CACNA1C: variants seen among roughly 807,000 people sequenced by gnomAD.
CACNA1C encodes the protein calcium voltage-gated channel subunit alpha1 C, also known as voltage-dependent L-type calcium channel subunit alpha-1C.
In CACNA1C, 30 loss-of-function variants were observed where a neutral mutation model predicts 229.0. That is an observed-to-expected ratio of 0.13 (90% CI 0.10 to 0.18). The LOEUF (loss-of-function observed/expected upper bound fraction) is 0.18, where lower values mean the gene tolerates loss of function less well. Among genes scored for constraint, CACNA1C ranks in the 10% least tolerant of loss-of-function variants. CACNA1C has a pLI of 1.00. For synonymous variants in CACNA1C, 1,114 were observed against 1,132.5 expected (o/e 0.98, Z 0.33); for missense variants, 1,658 against 2,845.0 (o/e 0.58, Z 9.49).
chr12:2,457,039 A>C (rs892028595), intron 4 of CACNA1C, among the ~76,000 whole-genome samples: 1 of 151,962 alleles, frequency 6.6e-6, no homozygotes, highest in African/African-American at 2.4e-5. Flanking sequence ...TTGTTTAACC[A>C]CTCAACCATT....
intron 3 of CACNA1C, among the ~76,000 whole-genome samples, chr12:2,205,588 T>C (rs1247987854): frequency 6.6e-6 from 1 of 152,142 alleles, no homozygotes; most frequent in Non-Finnish European, 1.5e-5. Context: ...TGAGTTGGGG[T>C]CCTGTGCATT....
chr12:2,501,044 T>A (rs1407871944), intron 7 of CACNA1C, among the ~76,000 whole-genome samples: 33 of 139,798 alleles, frequency 2.4e-4, no homozygotes, highest in African/African-American at 7.4e-4. Flanking sequence ...GTCTCTACTT[T>A]AAAAAAAAAA....
chr12:2,225,102 A>T (rs2062588019), intron 3 of CACNA1C, among the ~76,000 whole-genome samples: 1 of 152,082 alleles, frequency 6.6e-6, no homozygotes, highest in African/African-American at 2.4e-5. Flanking sequence ...AAGTCACTTC[A>T]CCTCTCTGCT....
chr12:2,067,450 G>GCA lies in CACNA1C; in HGVS notation c.49+13839_49+13840insCA, dbSNP rs2154521525. On this transcript the variant is annotated intron_variant, in intron 1 of 46. Coordinates refer to ENST00000399655, the MANE Select transcript of CACNA1C (RefSeq NM_000719.7). This position sits in a 1 kb window ranked among gnomAD's most constrained non-coding sequence, Gnocchi z 5.3. The stretch of plus-strand genomic sequence containing the variant: ...CTTAGGACTGTGGACTAGGATGCAC[G>GCA]TGTGTGTGTGTGTGTGTGTGTGTGT... Among the ~76,000 whole-genome samples, 1 of 30,442 alleles carries GCA rather than the reference G, an allele frequency of 3.3e-5. No individual in the cohort carries two copies. The highest frequency in any genetic ancestry group is 9.4e-4 in the East Asian group (1 of 1,060). 20.0% of individuals were successfully genotyped at this position (30,442 alleles called of 152,430 possible).
intron 3 of CACNA1C, among the ~76,000 whole-genome samples, chr12:2,284,454 G>T (rs1306556124): frequency 6.6e-6 from 1 of 152,176 alleles, no homozygotes; most frequent in East Asian, 1.9e-4. Context: ...AGGGGCTGGG[G>T]GAGGAGGGTG....
At chr12:2,329,080 A>T (rs1238966875) in intron 3 of CACNA1C, among the ~76,000 whole-genome samples, 1 of 152,158 alleles carries the variant, frequency 6.6e-6, no homozygotes, top group East Asian at 1.9e-4. Flanking sequence ...GTGATAGATA[A>T]CTAAAGATAG....
At chr12:2,259,081 A>G (rs1271202421) in intron 3 of CACNA1C, among the ~76,000 whole-genome samples, 1 of 152,238 alleles carries the variant, frequency 6.6e-6, no homozygotes, top group Non-Finnish European at 1.5e-5. Context: ...ACGGAACTCA[A>G]TATTTCCTTC....
intron 1 of CACNA1C, among the ~76,000 whole-genome samples, chr12:2,056,790 G>T (rs2299657): frequency 0.27 from 41,478 of 151,916 alleles, 5,862 homozygotes; most frequent in African/African-American, 0.33. Context: ...TATTGGTCAG[G>T]CACTTTTTAG....
At position 2,201,395 on chromosome 12, in the gene CACNA1C, C is replaced by G. The variant is rs140503142; in HGVS notation, c.477+80965C>G. ...TAATTCAATACCATTGTGCTACAAA[C>G]CCACTAACACTTTTTTCTTCACTGC... On this transcript the variant is annotated intron_variant, in intron 3 of 46. Transcript: ENST00000399655. 3.8e-3 allele frequency among the ~76,000 whole-genome samples: 578 copies of G among 152,260 alleles called. 3 individuals carry two copies. Among genetic ancestry groups the G allele is most frequent in the Non-Finnish European group, 6.0e-3 (410 of 68,012 alleles).
intron 1 of CACNA1C, chr12:1,998,099 G>A (rs1239683007): frequency 2.8e-6 from 2 of 725,426 alleles, no homozygotes; most frequent in Non-Finnish European, 4.3e-6. Flanking sequence ...CCCAACATGA[G>A]GAGTTATTCT....
rs938772210 is a variant in CACNA1C at position 2,257,677 on chromosome 12, C to T, written c.477+137247C>T. ...GACCCCCGCTCTAGCGTGTTCCCTT[C>T]CTCTCCAAGTCTTTAAGCATTTTCA... On this transcript the variant is annotated intron_variant, in intron 3 of 46. Transcript: ENST00000399655. Among the ~76,000 whole-genome samples, 4 of 152,232 alleles carry T rather than the reference C, an allele frequency of 2.6e-5. No individual in the cohort carries two copies. In the East Asian group the frequency reaches 5.8e-4, roughly 22 times the overall value.
chr12:2,636,698 A>G (rs1343296455), intron 30 of CACNA1C, among the ~76,000 whole-genome samples: 1 of 152,192 alleles, frequency 6.6e-6, no homozygotes, highest in Non-Finnish European at 1.5e-5. Context: ...TGTACTCCAC[A>G]GTGCCTTTTG....
intron 10 of CACNA1C, among the ~76,000 whole-genome samples, chr12:2,556,410 C>T (rs1363808606): frequency 2.6e-5 from 4 of 152,170 alleles, no homozygotes; most frequent in East Asian, 1.9e-4. Context: ...GGTTTCTCCT[C>T]GGAGTCTGGG....
Position 2,181,430 on chromosome 12 carries a change from G to A in CACNA1C, c.477+61000G>A, listed in dbSNP as rs1203813164. On this transcript the variant is annotated intron_variant, in intron 3 of 46. Transcript: ENST00000399655. This position sits in a 1 kb window ranked among gnomAD's most constrained non-coding sequence, Gnocchi z 4.0. ...AAGATCAACATGATCACAGCAGACT[G>A]ACACGGCGAGCTGAAACAAACAGGA... Among the ~76,000 whole-genome samples, 2 of 152,138 alleles carry A rather than the reference G, an allele frequency of 1.3e-5. No individual in the cohort carries two copies. The highest frequency in any genetic ancestry group is 2.4e-5 in the African/African-American group (1 of 41,424).
chr12:2,570,138 C>A (rs902832328), intron 13 of CACNA1C, among the ~76,000 whole-genome samples: 1 of 152,160 alleles, frequency 6.6e-6, no homozygotes, highest in African/African-American at 2.4e-5. Flanking sequence ...TCAACCTGTG[C>A]CCCTCTAAGG....
intron 3 of CACNA1C, among the ~76,000 whole-genome samples, chr12:2,417,261 C>T (rs1015812458): frequency 3.9e-5 from 6 of 152,186 alleles, no homozygotes; most frequent in African/African-American, 7.2e-5. Context: ...CTGTGGCTCC[C>T]GCCCGGTGAT....
At chr12:2,686,117 A>T in intron 44 of CACNA1C, 49 bp from the exon 45 acceptor site, 1 of 1,427,964 alleles carries the variant, frequency 7.0e-7, no homozygotes, top group Non-Finnish European at 9.9e-7. Flanking sequence ...GTCACAGGCC[A>T]GTGCCCTGTT....
intron 18 of CACNA1C, 34 bp from the exon 19 acceptor site, chr12:2,593,179 G>C (rs141278139): frequency 6.2e-7 from 1 of 1,602,212 alleles, no homozygotes; most frequent in East Asian, 2.2e-5. Flanking sequence ...TGGGAGTGCT[G>C]GAGTTATTTA....
At chr12:2,112,105 A>C (rs1355583187) in intron 1 of CACNA1C, among the ~76,000 whole-genome samples, 3 of 152,276 alleles carry the variant, frequency 2.0e-5, no homozygotes, top group Non-Finnish European at 4.4e-5. Flanking sequence ...CTAGCAGCTC[A>C]CCGTGAGCCC....
Sources: gnomAD v4.1 joint callset for allele counts (sites outside exome capture counted in the v4.1 genomes callset) on GRCh38, gnomAD v4.1.1 for gene constraint, Gnocchi (gnomAD v3.1) non-coding constraint, MANE v1.5 for transcripts, NCBI Gene and HGNC (gene_info 2026-07-23, HGNC 2026-07-21) for gene names.